The following ITGB2 variants were observed in gnomAD, a reference collection of about 807,000 sequenced individuals.
The protein encoded by ITGB2 is integrin subunit beta 2, also known as integrin beta-2.
ITGB2 carries 56 observed loss-of-function variants against 86.8 expected under a neutral mutation model. The observed-to-expected ratio is 0.65, with a 90% confidence interval of 0.52 to 0.81. ITGB2 has a LOEUF of 0.81. ITGB2 is among the 30% of genes least tolerant of loss of function. ITGB2 has a pLI of 0.00. For missense variants in ITGB2, 948 were observed against 1,061.2 expected (o/e 0.89, Z 1.48); for synonymous variants, 457 against 450.4 (o/e 1.01, Z -0.19).
In ITGB2 at chr21:44,889,945, C is replaced by A. The variant is rs376438520; in HGVS notation, c.1657+33G>T. On this transcript the variant is annotated intron_variant, in intron 12 of 15. Coordinates refer to ENST00000652462, the MANE Select transcript of ITGB2 (RefSeq NM_000211.5). Reference sequence around the variant, plus strand: ...CCAACACCAAGTCTGTGCCGCAGGACGGCCGTTGTCCAGCAGGGACCCACG... The same window carrying A: ...CCAACACCAAGTCTGTGCCGCAGGAAGGCCGTTGTCCAGCAGGGACCCACG... 33 of 1,611,668 alleles carry A rather than the reference C, an allele frequency of 2.0e-5. No individual in the cohort carries two copies. The South Asian group carries it at 3.5e-4, about 17-fold the overall frequency.
chr21:44,886,370 A>G lies in ITGB2; in HGVS notation c.2308T>C (p.Ter770GlnextTer28). The G allele has an allele frequency of 6.2e-7, 1 of 1,614,004 alleles. No individual in the cohort carries two copies. Among genetic ancestry groups the G allele is most frequent in the Non-Finnish European group, 8.5e-7 (1 of 1,179,904 alleles). The change falls in exon 16 of 16, where the codon TAG (stop) becomes CAG (glutamine). Residue 770 changes from the stop codon to glutamine (Q), a stop_lost. Transcript: ENST00000652462. ...TVMNPKFAES[*>Q] ...GGCCTTGTCTTCACCAAGTGCTCCT[A>G]ACTCTCAGCAAACTTGGGGTTCATG...
At chr21:44,901,457 G>A (rs1423694977) in intron 6 of ITGB2, 35 bp downstream of exon 6, 5 of 1,609,286 alleles carry the variant, frequency 3.1e-6, no homozygotes, top group Non-Finnish European at 4.2e-6. Flanking sequence ...CACACTGGGG[G>A]AACGTGGGGA....
In ITGB2 at chr21:44,920,876, A is replaced by G. The variant is rs2084294535; in HGVS notation, c.-59T>C. On this transcript the variant is annotated 5_prime_UTR_variant, in exon 1 of 16. Transcript: ENST00000652462. ...CCTGGCTGGGCGTGGGGGCTTTGCTACCAGTCTGCCCTGGGTCACGTCTAG... is the reference window on the plus strand; with the variant it reads ...CCTGGCTGGGCGTGGGGGCTTTGCTGCCAGTCTGCCCTGGGTCACGTCTAG... 6.6e-6 allele frequency: 1 copy of G among 152,438 alleles called. No individual in the cohort carries two copies. Among genetic ancestry groups the G allele is most frequent in the Admixed American group, 6.5e-5 (1 of 15,274 alleles). The allele number at this position is 152,438 out of a possible 1,614,324, so 9.4% of individuals were successfully genotyped here. A position where few individuals can be genotyped will look rare whatever the true frequency, so the allele number is the denominator to read the frequency against.
Position 44,886,347 on chromosome 21 carries a change from C to G in ITGB2, c.*21G>C. 1 of 1,612,306 alleles carries G rather than the reference C, an allele frequency of 6.2e-7. No homozygotes were observed. Among genetic ancestry groups the G allele is most frequent in the South Asian group, 1.1e-5 (1 of 91,056 alleles). On this transcript the variant is annotated 3_prime_UTR_variant, in exon 16 of 16. Transcript: ENST00000652462. Reference sequence around the variant, plus strand: ...GGGCAGACATGGTGGGTCCTGACGGCCTTGTCTTCACCAAGTGCTCCTAAC... The same window carrying G: ...GGGCAGACATGGTGGGTCCTGACGGGCTTGTCTTCACCAAGTGCTCCTAAC...
In ITGB2 at chr21:44,902,232, C is replaced by T. The variant is rs891504948; in HGVS notation, c.500-499G>A. ...ATTTATACATGTGAGTGAAGACATA[C>T]ATGGGTGATCATGAGTGTGCATGTG... On this transcript the variant is annotated intron_variant, in intron 5 of 15. Transcript: ENST00000652462. 2.0e-5 allele frequency among the ~76,000 whole-genome samples: 3 copies of T among 152,230 alleles called. No individual in the cohort carries two copies. The South Asian group carries it at 6.2e-4, about 31-fold the overall frequency.
At chr21:44,898,200 C>T (rs1475491014) in intron 8 of ITGB2, among the ~76,000 whole-genome samples, 1 of 152,096 alleles carries the variant, frequency 6.6e-6, no homozygotes, top group Admixed American at 6.5e-5. Flanking sequence ...TGTGACTGAC[C>T]CCCAGTAGAC....
chr21:44,894,186 G>C, intron 9 of ITGB2: 1 of 169,600 alleles, frequency 5.9e-6, no homozygotes, highest in South Asian at 1.3e-4. Context: ...GGTCTGCTCT[G>C]GGGGTTTGGG....
intron 15 of ITGB2, 70 bp from the exon 16 acceptor site, chr21:44,886,500 A>T (rs1227573648): frequency 9.8e-6 from 15 of 1,532,030 alleles, no homozygotes; most frequent in Non-Finnish European, 1.4e-5. Flanking sequence ...CTCCCTGAGG[A>T]CACTCCCCGC....
At chr21:44,911,078 C>T (rs529987461) in intron 1 of ITGB2, 33 of 521,436 alleles carry the variant, frequency 6.3e-5, no homozygotes, top group Middle Eastern at 5.3e-4. Flanking sequence ...CACATGCAGA[C>T]GTGTACACAC....
At chr21:44,910,701 C>A in intron 2 of ITGB2, 24 bp downstream of exon 2, 1 of 1,612,438 alleles carries the variant, frequency 6.2e-7, no homozygotes. Context: ...GCGTGGAGTC[C>A]CCTCCGTGGA....
intron 1 of ITGB2, among the ~76,000 whole-genome samples, chr21:44,916,592 G>A (rs1326368014): frequency 6.6e-6 from 1 of 152,192 alleles, no homozygotes; most frequent in Admixed American, 6.5e-5. Context: ...GGGAGGCCGG[G>A]CATGGTGGCT....
At chr21:44,903,571 C>G (rs2083998358) in intron 4 of ITGB2, 36 bp from the exon 5 acceptor site, 1 of 1,612,314 alleles carries the variant, frequency 6.2e-7, no homozygotes, top group African/African-American at 1.3e-5. Flanking sequence ...AGCCACACCT[C>G]ACATCTCACA....
chr21:44,906,349 G>A (rs560708991), intron 4 of ITGB2, among the ~76,000 whole-genome samples: 2 of 152,166 alleles, frequency 1.3e-5, no homozygotes, highest in African/African-American at 2.4e-5. Flanking sequence ...TCGAACCCCC[G>A]ACCTCAAGTG....
rs771421728 is a variant in ITGB2 at position 44,910,267 on chromosome 21, G to T, written c.147+17C>A. 7 of 1,612,720 alleles carry T rather than the reference G, an allele frequency of 4.3e-6. No individual in the cohort carries two copies. The East Asian group carries it at 1.6e-4, about 36-fold the overall frequency. ...CCAGGAGCTGGGCAGGTGGGGAGGG[G>T]TCCAGGAGGCACTTACCAGCTTCTG... On this transcript the variant is annotated intron_variant, in intron 3 of 15. Transcript: ENST00000652462.
At chr21:44,916,831 G>A (rs1480408150) in intron 1 of ITGB2, among the ~76,000 whole-genome samples, 1 of 148,480 alleles carries the variant, frequency 6.7e-6, no homozygotes, top group East Asian at 2.0e-4. Flanking sequence ...TCTCACCTCT[G>A]CACTCCAGCC....
intron 1 of ITGB2, among the ~76,000 whole-genome samples, chr21:44,918,740 G>A (rs1456620379): frequency 3.9e-5 from 6 of 152,194 alleles, no homozygotes; most frequent in African/African-American, 1.4e-4. Context: ...AGGTCACGTC[G>A]ATGCCGCCTG....
At chr21:44,892,083 G>A in intron 10 of ITGB2, 87 bp from the exon 11 acceptor site, 2 of 1,298,244 alleles carry the variant, frequency 1.5e-6, no homozygotes, top group Non-Finnish European at 2.2e-6. Context: ...GGCCTCTGCA[G>A]GGGTCCTGGG....
At chr21:44,898,288 G>A (rs1433029348) in intron 8 of ITGB2, among the ~76,000 whole-genome samples, 1 of 152,160 alleles carries the variant, frequency 6.6e-6, no homozygotes, top group Non-Finnish European at 1.5e-5. Context: ...ATGGAGCGCC[G>A]CCCACACCCC....
chr21:44,888,780 T>C lies in ITGB2; in HGVS notation c.1993A>G (p.Arg665Gly), dbSNP rs1420669054. The C allele has an allele frequency of 5.0e-6, 8 of 1,611,916 alleles. No individual in the cohort carries two copies. The highest frequency in any genetic ancestry group is 3.4e-6 in the Non-Finnish European group (4 of 1,179,968). ...GCCACCCAGCAGCCCTCTGAGTCCC[T>C]CTCCTTGCAGGTCCTGCCCTTCACG... ...NPVKGRTCKERDSEGCWVAYT... is the reference protein window; with the variant it reads ...NPVKGRTCKEGDSEGCWVAYT... Residue 665 changes from arginine (R) to glycine (G), a missense_variant, in exon 14 of 16, where the codon AGG becomes GGG. Arg to Gly is a moderately radical substitution (Grantham distance 125). Transcript: ENST00000652462.
Sources: gnomAD v4.1 joint callset for allele counts (sites outside exome capture counted in the v4.1 genomes callset) on GRCh38, gnomAD v4.1.1 for gene constraint, MANE v1.5 for transcripts, NCBI Gene and HGNC (gene_info 2026-07-23, HGNC 2026-07-21) for gene names.